DIP2A: variants seen among roughly 807,000 people sequenced by gnomAD.
The protein encoded by DIP2A is disco-interacting protein 2 homolog A.
A neutral mutation model predicts 177.4 loss-of-function variants in DIP2A; 85 were observed. The ratio of observed to expected loss-of-function variants is 0.48; its 90% CI spans 0.40 to 0.57. The LOEUF is 0.57. Among genes scored for constraint, DIP2A ranks in the 20% least tolerant of loss-of-function variants. DIP2A has a pLI of 0.00. For synonymous variants in DIP2A, 886 were observed against 881.8 expected (o/e 1.00, Z -0.08); for missense variants, 1,791 against 2,100.2 (o/e 0.85, Z 2.88).
At chr21:46,495,134 TC>T (rs954798614) in intron 3 of DIP2A, among the ~76,000 whole-genome samples, 5 of 152,048 alleles carry the variant, frequency 3.3e-5, no homozygotes, top group African/African-American at 9.7e-5. Flanking sequence ...TCTCTCTCTC[TC>T]CCTCCCTCCC....
chr21:46,528,527 CTTTTTTTTTTTTTTTTTTTTT>C (rs1162872343), intron 8 of DIP2A, among the ~76,000 whole-genome samples: 9 of 29,406 alleles, frequency 3.1e-4, no homozygotes, highest in East Asian at 1.6e-3. Flanking sequence ...TTTCTGCTTG[CTTTTTTTTTTTTTTTTTTTTT>C]TTTTTTTTTT....
At chr21:46,483,271 AT>A (rs1379388384) in intron 1 of DIP2A, among the ~76,000 whole-genome samples, 1 of 152,210 alleles carries the variant, frequency 6.6e-6, no homozygotes, top group Non-Finnish European at 1.5e-5. Context: ...AAAAGACACT[AT>A]AAAAAAGTTT....
In DIP2A at chr21:46,551,631, T is replaced by C. The variant is rs745387300; in HGVS notation, c.2840-3T>C. The C allele has an allele frequency of 1.9e-6, 3 of 1,613,478 alleles. No homozygotes were observed. In the South Asian group the frequency reaches 3.3e-5, roughly 18 times the overall value. ...TTTTCATTCAGAGTTCCCCCGTTTC[T>C]AGAGGTTGGACCAGCCTCAATGATC... On this transcript the variant is annotated splice_polypyrimidine_tract_variant and splice_region_variant and intron_variant, in intron 23 of 37. Coordinates refer to ENST00000417564, the MANE Select transcript of DIP2A (RefSeq NM_015151.4).
intron 25 of DIP2A, 80 bp downstream of exon 25, chr21:46,551,984 A>T (rs1004363292): frequency 6.9e-7 from 1 of 1,454,666 alleles, no homozygotes; most frequent in East Asian, 2.5e-5. Flanking sequence ...TCATGGTGCC[A>T]GTGTCCTGGT....
Position 46,568,580 on chromosome 21 carries a change from T to C in DIP2A, c.*958T>C, listed in dbSNP as rs1482270890. 6.6e-6 allele frequency: 1 copy of C among 152,220 alleles called. No individual in the cohort carries two copies. The highest frequency in any genetic ancestry group is 1.5e-5 in the Non-Finnish European group (1 of 68,036). The allele number at this position is 152,220 out of a possible 1,614,324, so 9.4% of individuals were successfully genotyped here. A position where few individuals can be genotyped will look rare whatever the true frequency, so the allele number is the denominator to read the frequency against. Reference sequence around the variant, plus strand: ...TGTATTGTCACGGACACTCAATAAGTGCCATTTTGGACTGTCAAATTTAGA... The same window carrying C: ...TGTATTGTCACGGACACTCAATAAGCGCCATTTTGGACTGTCAAATTTAGA... On this transcript the variant is annotated 3_prime_UTR_variant, in exon 38 of 38. Coordinates refer to ENST00000417564, the MANE Select transcript of DIP2A (RefSeq NM_015151.4).
At chr21:46,467,822 A>G (rs2054973976) in intron 1 of DIP2A, among the ~76,000 whole-genome samples, 3 of 151,998 alleles carry the variant, frequency 2.0e-5, no homozygotes, top group African/African-American at 7.3e-5. Flanking sequence ...CTTTAAAAAT[A>G]TCAATGCCAG....
the DIP2A span, among the ~76,000 whole-genome samples, chr21:46,582,230 C>T: frequency 1.3e-5 from 2 of 152,170 alleles, no homozygotes; most frequent in Admixed American, 6.5e-5. Flanking sequence ...CATGATCTGC[C>T]ACAGCCACTG....
chr21:46,554,299 T>C lies in DIP2A; in HGVS notation c.3154+7T>C. The C allele has an allele frequency of 6.2e-7, 1 of 1,613,640 alleles. No individual in the cohort carries two copies. Among genetic ancestry groups the C allele is most frequent in the Non-Finnish European group, 8.5e-7 (1 of 1,179,700 alleles). On this transcript the variant is annotated splice_region_variant and intron_variant, in intron 26 of 37. Coordinates refer to ENST00000417564, the MANE Select transcript of DIP2A (RefSeq NM_015151.4). ...GCTCTGGTCTACCCACCAGGTGGGC[T>C]CACTGTGGGGCTGTCCACCTGCAGC... is the stretch of plus-strand genomic sequence containing the variant.
In DIP2A at chr21:46,556,913, TTTTTGAAC is replaced by T. The variant is rs2060489298; in HGVS notation, c.3499-22_3499-15del. 1 of 1,519,108 alleles carries T rather than the reference TTTTTGAAC, an allele frequency of 6.6e-7. No homozygotes were observed. Among genetic ancestry groups the T allele is most frequent in the Non-Finnish European group, 8.9e-7 (1 of 1,128,024 alleles). 94.1% of individuals were successfully genotyped at this position (1,519,108 alleles called of 1,614,324 possible). A position where few individuals can be genotyped will look rare whatever the true frequency, so the allele number is the denominator to read the frequency against. ...CTCCTGAATTTCATTTCACTTTTTTTTTTTGAACTTTATTTTACTCTTAAGATGTCGCA... is the reference window on the plus strand; with the variant it reads ...CTCCTGAATTTCATTTCACTTTTTTTTTTATTTTACTCTTAAGATGTCGCA... On this transcript the variant is annotated intron_variant, in intron 29 of 37. Coordinates refer to ENST00000417564, the MANE Select transcript of DIP2A (RefSeq NM_015151.4). The surrounding 1 kb of genome is among the most constrained non-coding windows in gnomAD (Gnocchi z 4.5).
chr21:46,480,151 C>T (rs770316048), intron 1 of DIP2A, among the ~76,000 whole-genome samples: 1 of 151,504 alleles, frequency 6.6e-6, no homozygotes, highest in East Asian at 1.9e-4. Flanking sequence ...AACACGTAAC[C>T]GAGACTTGGT....
At chr21:46,506,622 G>A (rs891860633) in intron 6 of DIP2A, among the ~76,000 whole-genome samples, 1 of 151,778 alleles carries the variant, frequency 6.6e-6, no homozygotes, top group Non-Finnish European at 1.5e-5. Flanking sequence ...GGCTGATGGT[G>A]TGTTGAACAT....
At chr21:46,546,868 G>A (rs776054438) in intron 20 of DIP2A, 47 bp from the exon 21 acceptor site, 152 of 1,605,956 alleles carry the variant, frequency 9.5e-5, no homozygotes, top group Non-Finnish European at 1.3e-4. Context: ...GGCGCATCCA[G>A]CTTCTGCCCG....
intron 6 of DIP2A, among the ~76,000 whole-genome samples, chr21:46,504,758 G>A (rs916844774): frequency 2.0e-5 from 3 of 152,170 alleles, no homozygotes; most frequent in African/African-American, 7.2e-5. Context: ...GATGCAAAGG[G>A]CGTTTCGATC....
At chr21:46,545,851 C>A in intron 19 of DIP2A, 30 bp from the exon 20 acceptor site, 3 of 1,609,814 alleles carry the variant, frequency 1.9e-6, no homozygotes, top group Non-Finnish European at 2.5e-6. Flanking sequence ...TTGTCCACAG[C>A]CTGATCGTGC....
At chr21:46,575,659 T>C in the DIP2A span, among the ~76,000 whole-genome samples, 1 of 152,076 alleles carries the variant, frequency 6.6e-6, no homozygotes, top group Non-Finnish European at 1.5e-5. Flanking sequence ...CCATTGACAA[T>C]AGCATCAAAA....
chr21:46,566,701 G>A lies in DIP2A; in HGVS notation c.4463+18G>A, dbSNP rs751093801. On this transcript the variant is annotated intron_variant, in intron 37 of 37. Coordinates refer to ENST00000417564, the MANE Select transcript of DIP2A (RefSeq NM_015151.4). ...GCTGAGTGGTAAGAGCCCAGGTGGA[G>A]GGCGGCTTCACGTGGTCCCTCCAGC... The A allele has an allele frequency of 1.9e-6, 3 of 1,613,974 alleles. No individual in the cohort carries two copies. The highest frequency in any genetic ancestry group is 1.7e-5 in the Admixed American group (1 of 60,026).
At position 46,473,302 on chromosome 21, in the gene DIP2A, A is replaced by G. The variant is rs533570751; in HGVS notation, c.92-11455A>G. On this transcript the variant is annotated intron_variant, in intron 1 of 37. Transcript: ENST00000417564. ...AACATAGGGAGACCCTGTCTCTACA[A>G]AGAAAAAAAAATTAGCAAGGTGTGT... Among the ~76,000 whole-genome samples the G allele has an allele frequency of 4.0e-4, 54 of 134,344 alleles. No individual in the cohort carries two copies. In the East Asian group the frequency reaches 0.012, roughly 31 times the overall value. The allele number at this position is 134,344 out of a possible 152,430, so 88.1% of individuals were successfully genotyped here.
At chr21:46,462,431 C>T (rs2054398537) in intron 1 of DIP2A, 1 of 152,114 alleles carries the variant, frequency 6.6e-6, no homozygotes, top group Non-Finnish European at 1.5e-5. Context: ...GTTTAGTTAG[C>T]TGTAAAAGGG....
chr21:46,487,881 T>A (rs1028223640), intron 2 of DIP2A, among the ~76,000 whole-genome samples: 4 of 152,212 alleles, frequency 2.6e-5, no homozygotes, highest in Non-Finnish European at 5.9e-5. Context: ...AACTGGCAGA[T>A]CTCAAGTTAG....
Sources: allele counts gnomAD v4.1 joint callset (sites outside exome capture counted in the v4.1 genomes callset), GRCh38; gene constraint gnomAD v4.1.1; non-coding constraint Gnocchi (gnomAD v3.1); transcripts MANE v1.5; gene names NCBI Gene and HGNC (gene_info 2026-07-23, HGNC 2026-07-21).